Variants in TUSC3 observed in about 807,000 individuals in gnomAD.
The protein encoded by TUSC3 is tumor suppressor candidate 3.
TUSC3 carries 45 observed loss-of-function variants against 44.8 expected under a neutral mutation model. The observed-to-expected ratio is 1.00, with a 90% confidence interval of 0.79 to 1.29. The LOEUF is 1.29. TUSC3 is among the 50% of genes most tolerant of loss of function. The pLI is 0.00. For missense variants in TUSC3, 519 were observed against 437.9 expected (o/e 1.19, Z -1.65); for synonymous variants, 212 against 152.9 (o/e 1.39, Z -2.85).
chr8:15,667,733 A>G (rs1281669279), intron 5 of TUSC3, among the ~76,000 whole-genome samples: 2 of 151,670 alleles, frequency 1.3e-5, no homozygotes, highest in East Asian at 3.9e-4. Flanking sequence ...ATAATTATGA[A>G]CCCAAAGTGT....
intron 6 of TUSC3, among the ~76,000 whole-genome samples, chr8:15,699,873 A>G (rs1373633206): frequency 6.6e-6 from 1 of 152,212 alleles, no homozygotes; most frequent in East Asian, 1.9e-4. Flanking sequence ...CAAGTGCTAT[A>G]GAAGGAAGAA....
the TUSC3 span, among the ~76,000 whole-genome samples, chr8:15,811,541 A>G: frequency 1.3e-5 from 2 of 152,218 alleles, no homozygotes; most frequent in Admixed American, 6.5e-5. Context: ...GTCAAGCTGT[A>G]TTTGCAGAGA....
chr8:15,626,795 C>T (rs941753147), intron 2 of TUSC3, among the ~76,000 whole-genome samples: 2 of 152,356 alleles, frequency 1.3e-5, no homozygotes, highest in African/African-American at 4.8e-5. Context: ...CCCCTCTGGA[C>T]TTTCGGCATA....
the TUSC3 span, among the ~76,000 whole-genome samples, chr8:15,805,954 A>G: frequency 6.6e-6 from 1 of 152,172 alleles, no homozygotes; most frequent in Non-Finnish European, 1.5e-5. Flanking sequence ...TGTTTACTTA[A>G]GTGTCAAATT....
intron 1 of TUSC3, among the ~76,000 whole-genome samples, chr8:15,615,923 G>C (rs547144624): frequency 6.6e-6 from 1 of 152,180 alleles, no homozygotes; most frequent in Non-Finnish European, 1.5e-5. Context: ...GCTTGAACTT[G>C]TGGACTCAAG....
chr8:15,475,221 A>ATT (rs76380087), intron 1 of TUSC3, among the ~76,000 whole-genome samples: 1 of 151,904 alleles, frequency 6.6e-6, no homozygotes, highest in Non-Finnish European at 1.5e-5. Context: ...TATTAAATCC[A>ATT]TTTTTTTGAT....
upstream of TUSC3, among the ~76,000 whole-genome samples, chr8:15,537,474 C>G (rs139334852): frequency 4.8e-4 from 73 of 152,264 alleles, no homozygotes; most frequent in Middle Eastern, 3.4e-3. Context: ...TGTCACTGGC[C>G]AAGGTCACTC....
chr8:15,600,745 A>T (rs1585141083), intron 1 of TUSC3, among the ~76,000 whole-genome samples: 1 of 151,808 alleles, frequency 6.6e-6, no homozygotes, highest in East Asian at 1.9e-4. Context: ...CTCAACAACT[A>T]GTTAAGCTAC....
chr8:15,619,556 A>T (rs1805149218), intron 1 of TUSC3, among the ~76,000 whole-genome samples: 1 of 151,632 alleles, frequency 6.6e-6, no homozygotes. Context: ...CAGTGGCACG[A>T]TCTCGGCTTA....
chr8:15,562,387 A>T (rs1359726722), intron 1 of TUSC3, among the ~76,000 whole-genome samples: 1 of 152,150 alleles, frequency 6.6e-6, no homozygotes, highest in Non-Finnish European at 1.5e-5. Context: ...TGAGTAATCC[A>T]CTTTAAGCGT....
intron 1 of TUSC3, among the ~76,000 whole-genome samples, chr8:15,436,547 A>G (rs1026569474): frequency 6.6e-5 from 10 of 152,188 alleles, no homozygotes; most frequent in African/African-American, 2.4e-4. Context: ...AAGAACAACT[A>G]ATGTTTCTGA....
chr8:15,657,011 A>G (rs1199297215), intron 3 of TUSC3, among the ~76,000 whole-genome samples: 1 of 152,118 alleles, frequency 6.6e-6, no homozygotes, highest in African/African-American at 2.4e-5. Context: ...TGGACACCCC[A>G]AGTGGCTCTG....
chr8:15,553,874 T>C (rs1236336494), intron 1 of TUSC3, among the ~76,000 whole-genome samples: 1 of 151,754 alleles, frequency 6.6e-6, no homozygotes, highest in South Asian at 2.1e-4. Context: ...TAGCCTTATA[T>C]GGAAATATGG....
intron 3 of TUSC3, 40 bp downstream of exon 3, chr8:15,650,854 T>C: frequency 3.8e-6 from 6 of 1,578,388 alleles, no homozygotes; most frequent in Non-Finnish European, 5.2e-6. Flanking sequence ...AACATAGTTG[T>C]TTGTGGTCGA....
chr8:15,641,050 G>C (rs535644736), intron 2 of TUSC3, among the ~76,000 whole-genome samples: 1 of 152,246 alleles, frequency 6.6e-6, no homozygotes, highest in African/African-American at 2.4e-5. Context: ...TGCCATGTGT[G>C]CTCTGTAGCT....
At chr8:15,494,321 T>TTG (rs1800850220) in intron 2 of TUSC3, among the ~76,000 whole-genome samples, 1 of 14,874 alleles carries the variant, frequency 6.7e-5, no homozygotes, top group South Asian at 2.8e-3. Context: ...TCTCATCTTC[T>TTG]TTTTTTTTTT....
chr8:15,498,107 C>G (rs770284869), intron 2 of TUSC3, among the ~76,000 whole-genome samples: 21 of 152,044 alleles, frequency 1.4e-4, no homozygotes, highest in Non-Finnish European at 7.4e-5. Flanking sequence ...TGATGATGAC[C>G]TATCAAAAAG....
chr8:15,647,609 A>G (rs1004398103), intron 2 of TUSC3, among the ~76,000 whole-genome samples: 1 of 151,962 alleles, frequency 6.6e-6, no homozygotes, highest in African/African-American at 2.4e-5. Flanking sequence ...CTGCATTTCT[A>G]GTTGCCTTTT....
intron 2 of TUSC3, among the ~76,000 whole-genome samples, chr8:15,527,239 C>G (rs1238119536): frequency 1.3e-5 from 2 of 152,090 alleles, no homozygotes; most frequent in Non-Finnish European, 2.9e-5. Flanking sequence ...TATTTAGAGA[C>G]AGAGTCTCAC....
Sources: gnomAD v4.1 joint callset for allele counts (sites outside exome capture counted in the v4.1 genomes callset) on GRCh38, gnomAD v4.1.1 for gene constraint, MANE v1.5 for transcripts, NCBI Gene and HGNC (gene_info 2026-07-23, HGNC 2026-07-21) for gene names.